DLC1: variants seen among roughly 807,000 people sequenced by gnomAD.
DLC1 encodes the protein rho GTPase-activating protein 7.
DLC1 carries 54 observed loss-of-function variants against 140.3 expected under a neutral mutation model. The ratio of observed to expected loss-of-function variants is 0.38; its 90% CI spans 0.31 to 0.48. The LOEUF is 0.48. Among genes scored for constraint, DLC1 ranks in the 20% least tolerant of loss-of-function variants. The pLI is 0.96. For synonymous variants in DLC1, 986 were observed against 728.1 expected (o/e 1.35, Z -5.70); for missense variants, 2,536 against 1,907.0 (o/e 1.33, Z -6.14).
At chr8:13,520,021 G>C (rs183690301) in intron 1 of DLC1, among the ~76,000 whole-genome samples, 201 of 152,340 alleles carry the variant, frequency 1.3e-3, no homozygotes, top group South Asian at 3.9e-3. Context: ...TTACACCGTT[G>C]GTGGGAGTGT....
At chr8:13,459,197 T>G (rs936184675) in intron 2 of DLC1, among the ~76,000 whole-genome samples, 1 of 152,190 alleles carries the variant, frequency 6.6e-6, no homozygotes, top group Non-Finnish European at 1.5e-5. Context: ...TTTCTTAATC[T>G]CTAGAGAATT....
chr8:13,590,187 G>C (rs1315246066), intron 1 of DLC1, among the ~76,000 whole-genome samples: 1 of 151,548 alleles, frequency 6.6e-6, no homozygotes, highest in Non-Finnish European at 1.5e-5. Flanking sequence ...ACAGTATTAA[G>C]GACTTTTTTC....
At chr8:13,512,958 A>G (rs2117260810) in intron 1 of DLC1, among the ~76,000 whole-genome samples, 1 of 117,366 alleles carries the variant, frequency 8.5e-6, no homozygotes, top group East Asian at 2.5e-4. Context: ...CATTGGTGAC[A>G]GTTTTACCTT....
intron 1 of DLC1, among the ~76,000 whole-genome samples, chr8:13,573,360 G>A (rs1804732399): frequency 6.6e-6 from 1 of 152,168 alleles, no homozygotes; most frequent in Admixed American, 6.5e-5. Flanking sequence ...ACGATGAAAA[G>A]AGACAGATTC....
At chr8:13,382,044 G>C (rs1836284559) in intron 4 of DLC1, among the ~76,000 whole-genome samples, 2 of 152,016 alleles carry the variant, frequency 1.3e-5, no homozygotes, top group Non-Finnish European at 2.9e-5. Context: ...AATAAAGAAA[G>C]TGTTATTAGA....
chr8:13,233,574 G>A (rs967407878), intron 5 of DLC1, among the ~76,000 whole-genome samples: 3 of 151,990 alleles, frequency 2.0e-5, no homozygotes, highest in Non-Finnish European at 4.4e-5. Context: ...CTACAAAAGA[G>A]AATCTGCATA....
intron 2 of DLC1, among the ~76,000 whole-genome samples, chr8:13,419,323 C>T (rs1838207719): frequency 6.6e-6 from 1 of 151,898 alleles, no homozygotes; most frequent in African/African-American, 2.4e-5. Flanking sequence ...CCAGTTTTTG[C>T]CCATTCAGTA....
intron 4 of DLC1, among the ~76,000 whole-genome samples, chr8:13,317,113 G>T (rs990422108): frequency 1.3e-5 from 2 of 152,152 alleles, no homozygotes; most frequent in Admixed American, 6.5e-5. Context: ...ATGGGTCAAT[G>T]AATTCTGAGC....
intron 3 of DLC1, among the ~76,000 whole-genome samples, chr8:13,398,762 G>A (rs1352866656): frequency 5.9e-5 from 9 of 152,150 alleles, no homozygotes; most frequent in Non-Finnish European, 1.3e-4. Flanking sequence ...CAAAGCAGGA[G>A]GTGGGAAGGA....
intron 4 of DLC1, chr8:13,338,447 C>T (rs972030599): frequency 6.6e-6 from 1 of 152,108 alleles, no homozygotes; most frequent in Non-Finnish European, 1.5e-5. Flanking sequence ...ATAAATCATT[C>T]TGCAATTTAC....
At chr8:13,418,719 A>T (rs2117334049) in intron 2 of DLC1, among the ~76,000 whole-genome samples, 1 of 152,156 alleles carries the variant, frequency 6.6e-6, no homozygotes, top group South Asian at 2.1e-4. Flanking sequence ...TTCCATATGA[A>T]CTTTAATGTA....
At chr8:13,522,845 A>T (rs1802805210) in intron 1 of DLC1, among the ~76,000 whole-genome samples, 1 of 152,002 alleles carries the variant, frequency 6.6e-6, no homozygotes, top group South Asian at 2.1e-4. Context: ...GTAATGACTT[A>T]AAAAAAGGTG....
At chr8:13,568,004 G>T in intron 1 of DLC1, 1 of 1,465,012 alleles carries the variant, frequency 6.8e-7, no homozygotes. Flanking sequence ...ATTTCTACAG[G>T]CACTTGGGAA....
At chr8:13,500,325 T>A (rs527758230) in intron 1 of DLC1, 129 bp from the exon 2 acceptor site, 22 of 350,270 alleles carry the variant, frequency 6.3e-5, no homozygotes, top group African/African-American at 4.1e-4. Context: ...GTTTAGTAGC[T>A]TTAATAATGT....
At chr8:13,188,844 T>TATATATGTATATATATA (rs1491498157) in intron 5 of DLC1, among the ~76,000 whole-genome samples, 1 of 25,840 alleles carries the variant, frequency 3.9e-5, no homozygotes, top group Non-Finnish European at 8.2e-5. Context: ...TATATATATA[T>TATATATGTATATATATA]TTTTTTTTTT....
intron 4 of DLC1, among the ~76,000 whole-genome samples, chr8:13,325,871 T>G (rs1161567154): frequency 6.6e-6 from 1 of 152,198 alleles, no homozygotes; most frequent in African/African-American, 2.4e-5. Context: ...AAAGACTTAG[T>G]ACAGTCATGC....
chr8:13,293,696 C>A (rs1831845975), intron 5 of DLC1, among the ~76,000 whole-genome samples: 1 of 152,084 alleles, frequency 6.6e-6, no homozygotes, highest in Non-Finnish European at 1.5e-5. Flanking sequence ...ACATGAAATG[C>A]CATAATAAAT....
intron 5 of DLC1, among the ~76,000 whole-genome samples, chr8:13,243,711 C>G (rs1336101901): frequency 1.3e-5 from 2 of 152,140 alleles, no homozygotes; most frequent in Admixed American, 1.3e-4. Context: ...ATAACTTTGT[C>G]TTCCTTATCA....
chr8:13,333,230 T>C (rs1276501576), intron 4 of DLC1, among the ~76,000 whole-genome samples: 1 of 152,176 alleles, frequency 6.6e-6, no homozygotes, highest in African/African-American at 2.4e-5. Flanking sequence ...CATCCTTTCT[T>C]TTTTCTTTTC....
Sources: allele counts gnomAD v4.1 joint callset (sites outside exome capture counted in the v4.1 genomes callset), GRCh38; gene constraint gnomAD v4.1.1; transcripts MANE v1.5; gene names NCBI Gene and HGNC (gene_info 2026-07-23, HGNC 2026-07-21).